The following SMIM3 variants were observed in gnomAD, a reference collection of about 807,000 sequenced individuals.
SMIM3 encodes small integral membrane protein 3, also known as NGF-induced differentiation clone 67 protein.
Under a neutral mutation model 2.1 loss-of-function variants are expected in SMIM3, and 4 were observed. That is an observed-to-expected ratio of 1.89 (90% CI 0.93 to 4.31). The LOEUF is 4.31. Ranked by LOEUF, SMIM3 falls within the 30% of genes most tolerant of loss-of-function variation. The probability of loss-of-function intolerance (pLI) is 0.01; values close to 1 mark genes in which losing one functional copy is unlikely to be tolerated. For synonymous variants in SMIM3, 29 were observed against 30.8 expected, an observed-to-expected ratio of 0.94 and a Z score of 0.19; for missense variants, 79 against 77.7, an observed-to-expected ratio of 1.02 and a Z score of -0.06.
chr5:150,794,808 C>T (rs1581623847), intron 1 of SMIM3, among the ~76,000 whole-genome samples: 1 of 152,138 alleles, frequency 6.6e-6, no homozygotes, highest in East Asian at 1.9e-4. Flanking sequence ...AGTAGTTAGG[C>T]TCAAACAATT....
chr5:150,785,395 T>C (rs1216801657), intron 1 of SMIM3, among the ~76,000 whole-genome samples: 1 of 151,890 alleles, frequency 6.6e-6, no homozygotes, highest in South Asian at 2.1e-4. Context: ...CCTGAAAATG[T>C]CTTATTGCAC....
At position 150,778,907 on chromosome 5, in the gene SMIM3, G is replaced by A; in HGVS notation, c.-77G>A. 1 of 510,134 alleles carries A rather than the reference G, an allele frequency of 2.0e-6. No homozygotes were observed. The allele number at this position is 510,134 out of a possible 1,614,324, so 31.6% of individuals were successfully genotyped here. ...AGCTGCCAGATCCCGTGCAGTCCTG[G>A]GGACCCTGAGAAGCACCGAGCCATC... On this transcript the variant is annotated 5_prime_UTR_variant, in exon 1 of 2. Transcript: ENST00000526627.
intron 1 of SMIM3, among the ~76,000 whole-genome samples, chr5:150,785,580 C>CTTTTTT (rs35273478): frequency 0.016 from 1,805 of 113,078 alleles, 4 homozygotes; most frequent in Non-Finnish European, 0.023. Flanking sequence ...TATTTCTTTT[C>CTTTTTT]TTTTTTTTTT....
At chr5:150,791,483 C>T (rs1753349274) in intron 1 of SMIM3, among the ~76,000 whole-genome samples, 1 of 152,064 alleles carries the variant, frequency 6.6e-6, no homozygotes, top group Admixed American at 6.5e-5. Flanking sequence ...TTTTAGCTTC[C>T]ATATATAAAT....
At chr5:150,781,738 G>A (rs1018045688) in intron 1 of SMIM3, among the ~76,000 whole-genome samples, 4 of 151,706 alleles carry the variant, frequency 2.6e-5, no homozygotes, top group Admixed American at 6.5e-5. Flanking sequence ...CACTACCACC[G>A]CCCGGTGCTC....
Position 150,795,583 on chromosome 5 carries a change from A to G in SMIM3, c.143A>G (p.Tyr48Cys), listed in dbSNP as rs780742167. The G allele has an allele frequency of 1.7e-5, 27 of 1,584,498 alleles. No homozygotes were observed. The highest frequency in any genetic ancestry group is 1.6e-4 in the East Asian group (7 of 43,946). Residue 48 changes from tyrosine to cysteine, a missense_variant, in exon 2 of 2, where the codon TAT becomes TGT. Tyr to Cys is a radical substitution (Grantham distance 194). Transcript: ENST00000526627. ...LLCPATAVIIYRMRTHPILSG... is the reference protein window; with the variant it reads ...LLCPATAVIICRMRTHPILSG... ...TGCCCAGCCACTGCAGTAATCATCT[A>G]TCGCATGCGGACTCATCCGATCCTT...
intron 1 of SMIM3, among the ~76,000 whole-genome samples, chr5:150,794,696 T>C (rs948806015): frequency 2.0e-5 from 3 of 152,312 alleles, no homozygotes; most frequent in South Asian, 2.1e-4. Flanking sequence ...AGACTACAAA[T>C]AGCTGTTTCC....
At chr5:150,779,772 C>T (rs2113195320) in intron 1 of SMIM3, among the ~76,000 whole-genome samples, 1 of 152,118 alleles carries the variant, frequency 6.6e-6, no homozygotes. Flanking sequence ...TGGAGCAGGG[C>T]CTGGCTAACA....
At chr5:150,789,535 A>G (rs576707931) in intron 1 of SMIM3, among the ~76,000 whole-genome samples, 8 of 152,260 alleles carry the variant, frequency 5.3e-5, no homozygotes, top group Non-Finnish European at 8.8e-5. Context: ...ATCTTGGAAC[A>G]GTAGCTCTGG....
At chr5:150,789,625 T>G (rs1753328575) in intron 1 of SMIM3, among the ~76,000 whole-genome samples, 1 of 152,120 alleles carries the variant, frequency 6.6e-6, no homozygotes, top group Non-Finnish European at 1.5e-5. Context: ...GGAAACTGAA[T>G]AGTAGCACTG....
chr5:150,788,664 A>C (rs1410645100), intron 1 of SMIM3, among the ~76,000 whole-genome samples: 1 of 151,792 alleles, frequency 6.6e-6, no homozygotes, highest in Non-Finnish European at 1.5e-5. Flanking sequence ...AAAAAGAAAA[A>C]AGTTTTTTTC....
intron 1 of SMIM3, among the ~76,000 whole-genome samples, chr5:150,781,707 G>C (rs939592380): frequency 2.0e-5 from 3 of 152,160 alleles, no homozygotes; most frequent in African/African-American, 7.2e-5. Context: ...GACCTGTTGA[G>C]GCTCACACAT....
intron 1 of SMIM3, among the ~76,000 whole-genome samples, chr5:150,783,609 C>T (rs1358502324): frequency 1.3e-5 from 2 of 152,242 alleles, no homozygotes; most frequent in Non-Finnish European, 2.9e-5. Context: ...CCTCTATCTG[C>T]CTTGTCTCCC....
chr5:150,793,274 C>T (rs182172237), intron 1 of SMIM3, among the ~76,000 whole-genome samples: 1 of 152,192 alleles, frequency 6.6e-6, no homozygotes, highest in African/African-American at 2.4e-5. Flanking sequence ...TCAACGCAAT[C>T]CCCATCAGAA....
chr5:150,785,151 A>C (rs1212119576), intron 1 of SMIM3, among the ~76,000 whole-genome samples: 1 of 140,778 alleles, frequency 7.1e-6, no homozygotes, highest in African/African-American at 2.7e-5. Context: ...GCAGTGGCAC[A>C]ATCTTGGTTC....
At chr5:150,790,062 G>A (rs1339499501) in intron 1 of SMIM3, among the ~76,000 whole-genome samples, 2 of 152,092 alleles carry the variant, frequency 1.3e-5, no homozygotes, top group Non-Finnish European at 2.9e-5. Flanking sequence ...TTTAGTTAGG[G>A]GCAGCGACAC....
chr5:150,788,185 T>C (rs1753312438), intron 1 of SMIM3, among the ~76,000 whole-genome samples: 1 of 152,168 alleles, frequency 6.6e-6, no homozygotes, highest in Non-Finnish European at 1.5e-5. Flanking sequence ...AATGGTGGGA[T>C]TGGCCGAAAC....
rs534315363 is a variant in SMIM3, at chr5:150,780,207, A to T, written c.-12+1235A>T. Among the ~76,000 whole-genome samples, 4 of 152,158 alleles carry T rather than the reference A, an allele frequency of 2.6e-5. No individual in the cohort carries two copies. In the East Asian group the frequency reaches 7.7e-4, roughly 29 times the overall value. On this transcript the variant is annotated intron_variant, in intron 1 of 1. Coordinates refer to ENST00000526627, the MANE Select transcript of SMIM3 (RefSeq NM_032947.5). The stretch of plus-strand genomic sequence containing the variant: ...CCCTCTGAATTACCCTAATGGAGGC[A>T]TTTCCCCTCTCTGGCCCTTGTCTTC...
intron 1 of SMIM3, among the ~76,000 whole-genome samples, chr5:150,781,367 G>T (rs1483740315): frequency 1.3e-5 from 2 of 152,214 alleles, no homozygotes; most frequent in African/African-American, 4.8e-5. Context: ...AACCTCAAGA[G>T]ATAATGGAGA....
Sources: gnomAD v4.1 joint callset for allele counts (sites outside exome capture counted in the v4.1 genomes callset) on GRCh38, gnomAD v4.1.1 for gene constraint, MANE v1.5 for transcripts, NCBI Gene and HGNC (gene_info 2026-07-23, HGNC 2026-07-21) for gene names.